The following OPHN1 variants were observed in gnomAD, a reference collection of about 807,000 sequenced individuals.
The protein encoded by OPHN1 is oligophrenin 1, also known as oligophrenin-1.
A neutral mutation model predicts 60.7 loss-of-function variants in OPHN1; 11 were observed. The observed-to-expected ratio is 0.18, with a 90% confidence interval of 0.11 to 0.30. The LOEUF (loss-of-function observed/expected upper bound fraction) is 0.30, where lower values mean the gene tolerates loss of function less well. Ranked by LOEUF, OPHN1 falls within the 10% of genes least tolerant of loss-of-function variation. The pLI, the probability that OPHN1 is intolerant of heterozygous loss-of-function variation, is 1.00. For missense variants in OPHN1, 449 were observed against 611.0 expected, an observed-to-expected ratio of 0.73 and a Z score of 2.80; for synonymous variants, 226 against 222.6, an observed-to-expected ratio of 1.02 and a Z score of -0.14.
At chrX:68,125,954 T>TATATATATATATATACAC (rs1262640434) in intron 15 of OPHN1, among the ~76,000 whole-genome samples, 1 of 55,829 alleles carries the variant, frequency 1.8e-5, no homozygotes, top group South Asian at 1.5e-3. Flanking sequence ...TATATATATA[T>TATATATATATATATACAC]ATACATACAC....
At position 68,395,786 on chromosome X, in the gene OPHN1, A is replaced by G. The variant is rs1383553402; in HGVS notation, c.154+37081T>C. On this transcript the variant is annotated intron_variant, in intron 2 of 24. Transcript: ENST00000355520. Reference sequence around the variant, plus strand: ...TTTTTTGTAGAAATGAGGTCTTACTATGTTGTCCAGGATGGTCACAAACTC... The same window carrying G: ...TTTTTTGTAGAAATGAGGTCTTACTGTGTTGTCCAGGATGGTCACAAACTC... Among the ~76,000 whole-genome samples the G allele has an allele frequency of 4.5e-5, 5 of 110,412 alleles. 1 individual carries two copies. The highest frequency in any genetic ancestry group is 1.6e-4 in the African/African-American group (5 of 30,351).
chrX:68,231,553 T>C (rs893617550), intron 6 of OPHN1, among the ~76,000 whole-genome samples: 3 of 111,705 alleles, frequency 2.7e-5, no homozygotes, highest in African/African-American at 9.8e-5. Context: ...AAGAAGTCCT[T>C]CAATAGGCAA....
intron 2 of OPHN1, among the ~76,000 whole-genome samples, chrX:68,425,812 CTTTTTTTTTTTTT>C (rs1188011531): frequency 2.6e-5 from 1 of 38,647 alleles, no homozygotes; most frequent in African/African-American, 1.3e-4. Context: ...GGACTGGATT[CTTTTTTTTTTTTT>C]TTTTTTTTTT....
intron 2 of OPHN1, among the ~76,000 whole-genome samples, chrX:68,401,148 GA>G (rs1406112298): frequency 9.0e-6 from 1 of 111,560 alleles, no homozygotes. Context: ...GGATTTGGGT[GA>G]GGACACAAAT....
intron 21 of OPHN1, among the ~76,000 whole-genome samples, chrX:68,063,338 T>C (rs1255113946): frequency 3.6e-5 from 4 of 110,596 alleles, no homozygotes; most frequent in Non-Finnish European, 7.6e-5. Context: ...CTGGCTAACA[T>C]GGCAAAACCC....
intron 20 of OPHN1, among the ~76,000 whole-genome samples, chrX:68,065,755 C>G (rs1398154307): frequency 5.8e-4 from 65 of 111,981 alleles, no homozygotes; most frequent in Non-Finnish European, 1.7e-4. Flanking sequence ...ATTTCAGTGC[C>G]TGGCACATAA....
chrX:68,218,403 C>T (rs1220345956), intron 6 of OPHN1, among the ~76,000 whole-genome samples: 1 of 99,523 alleles, frequency 1.0e-5, no homozygotes, highest in Non-Finnish European at 2.0e-5. Flanking sequence ...GGCAGGCCAA[C>T]GTTCAGATTC....
intron 15 of OPHN1, among the ~76,000 whole-genome samples, chrX:68,175,903 A>T (rs1336166578): frequency 1.8e-5 from 2 of 112,268 alleles, no homozygotes; most frequent in African/African-American, 3.2e-5. Flanking sequence ...AACAGAGAGC[A>T]CAGAAAGAAT....
chrX:68,165,052 T>A (rs1402545036), intron 15 of OPHN1, among the ~76,000 whole-genome samples: 2 of 112,022 alleles, frequency 1.8e-5, no homozygotes, highest in East Asian at 5.7e-4. Flanking sequence ...GTTAGAGTAC[T>A]GCTCTTTATT....
chrX:68,256,093 CAG>C (rs2077861991), intron 5 of OPHN1, among the ~76,000 whole-genome samples: 1 of 111,191 alleles, frequency 9.0e-6, no homozygotes, highest in Admixed American at 9.6e-5. Context: ...GCGAATGCAC[CAG>C]ATTTTATGGT....
At chrX:68,104,340 A>G (rs2077072576) in intron 18 of OPHN1, among the ~76,000 whole-genome samples, 1 of 112,081 alleles carries the variant, frequency 8.9e-6, no homozygotes, top group Non-Finnish European at 1.9e-5. Context: ...GAACCAAAAA[A>G]GAGCCCATAT....
Position 68,299,082 on chromosome X carries a change from C to G in OPHN1, c.169G>C (p.Val57Leu). ...ISAMRNYSSA[V>L]QKFSQTLQSF... is the part of the protein sequence containing the mutation. ...TGCAGCGTCTGGGAAAATTTCTGAA[C>G]AGCAGAAGAATAATCTGCAAAGGAA... Residue 57 changes from valine (V) to leucine (L), a missense_variant, in exon 3 of 25, where the codon GTT becomes CTT. Val to Leu is a conservative substitution (Grantham distance 32). This residue lies in a region of OPHN1 where 99 missense variants were observed against 155.2 expected (regional missense o/e 0.64). Transcript: ENST00000355520. 8.5e-7 allele frequency: 1 copy of G among 1,172,670 alleles called. No homozygotes were observed. The highest frequency in any genetic ancestry group is 1.2e-6 in the Non-Finnish European group (1 of 863,402).
chrX:68,065,678 G>T (rs776398241), intron 20 of OPHN1, among the ~76,000 whole-genome samples: 1 of 111,766 alleles, frequency 8.9e-6, no homozygotes, highest in East Asian at 2.8e-4. Context: ...TCAGTAAAAC[G>T]GGAATAATAA....
chrX:68,092,595 A>G (rs767164444), intron 19 of OPHN1, among the ~76,000 whole-genome samples: 1 of 111,991 alleles, frequency 8.9e-6, no homozygotes, highest in Admixed American at 9.5e-5. Context: ...TTAACAGGTT[A>G]CAACGGTGTG....
chrX:68,283,889 G>C (rs1430216708), intron 3 of OPHN1, among the ~76,000 whole-genome samples: 7 of 111,683 alleles, frequency 6.3e-5, no homozygotes, highest in Non-Finnish European at 1.1e-4. Flanking sequence ...ATGAATTTTG[G>C]AGTCAACACA....
rs377664836 is a variant in OPHN1, at chrX:68,168,683, G to A, written c.1276+24236C>T. Among the ~76,000 whole-genome samples the A allele has an allele frequency of 3.3e-4, 28 of 84,260 alleles. No individual in the cohort carries two copies. The East Asian group carries it at 8.9e-3, about 27-fold the overall frequency. The allele number at this position is 84,260 out of a possible 115,157, so 73.2% of individuals were successfully genotyped here. ...CAGAACTGAAGGAAATAGAGACACA[G>A]AAAACCCTTCAAAAAATTAACGAAT... On this transcript the variant is annotated intron_variant, in intron 15 of 24. Coordinates refer to ENST00000355520, the MANE Select transcript of OPHN1 (RefSeq NM_002547.3).
chrX:68,318,832 C>T (rs925522984), intron 2 of OPHN1, among the ~76,000 whole-genome samples: 1 of 111,241 alleles, frequency 9.0e-6, no homozygotes, highest in Non-Finnish European at 1.9e-5. Flanking sequence ...ATGACCTTGC[C>T]GGTTTTGAGA....
In OPHN1 at chrX:68,113,247, G is replaced by T. The variant is rs1247988420; in HGVS notation, c.1362-8C>A. 3 of 1,200,243 alleles carry T rather than the reference G, an allele frequency of 2.5e-6. No individual in the cohort carries two copies. The highest frequency in any genetic ancestry group is 2.3e-6 in the Non-Finnish European group (2 of 885,307). On this transcript the variant is annotated splice_polypyrimidine_tract_variant and splice_region_variant and intron_variant, in intron 16 of 24. Transcript: ENST00000355520. Reference sequence around the variant, plus strand: ...ACAGGTTCAGAAAGATTCCTGAAATGAATGAAAATTGTCAGTTGCTTTGGG... The same window carrying T: ...ACAGGTTCAGAAAGATTCCTGAAATTAATGAAAATTGTCAGTTGCTTTGGG...
chrX:68,124,151 T>C (rs1294909956), intron 15 of OPHN1, among the ~76,000 whole-genome samples: 1 of 111,475 alleles, frequency 9.0e-6, no homozygotes, highest in Admixed American at 9.5e-5. Context: ...AGATCATCTG[T>C]CTTGTAGGAC....
Sources: gnomAD v4.1 joint callset for allele counts (sites outside exome capture counted in the v4.1 genomes callset) on GRCh38, gnomAD v4.1.1 for gene constraint, gnomAD v4.1.1 regional missense constraint, MANE v1.5 for transcripts, NCBI Gene and HGNC (gene_info 2026-07-23, HGNC 2026-07-21) for gene names.